The following DPP10 variants were observed in gnomAD, a reference collection of about 807,000 sequenced individuals.
The protein encoded by DPP10 is inactive dipeptidyl peptidase 10.
In DPP10, 33 loss-of-function variants were observed where a neutral mutation model predicts 120.9. The observed-to-expected ratio is 0.27, with a 90% CI of 0.21 to 0.37. The LOEUF (loss-of-function observed/expected upper bound fraction) is 0.37. Among genes scored for constraint, DPP10 ranks in the 10% least tolerant of loss-of-function variants. The probability of loss-of-function intolerance (pLI) is 1.00; values close to 1 mark genes in which losing one functional copy is unlikely to be tolerated. For synonymous variants in DPP10, 337 were observed against 326.1 expected (o/e 1.03, Z -0.36); for missense variants, 816 against 942.8 (o/e 0.87, Z 1.76).
At chr2:115,384,950 G>T (rs1193138827) in intron 3 of DPP10, among the ~76,000 whole-genome samples, 2 of 152,172 alleles carry the variant, frequency 1.3e-5, no homozygotes, top group African/African-American at 4.8e-5. Flanking sequence ...TCTTGTGGTA[G>T]TGAATAAGTC....
chr2:115,132,687 G>A (rs758850541), intron 1 of DPP10, among the ~76,000 whole-genome samples: 1 of 152,042 alleles, frequency 6.6e-6, no homozygotes, highest in South Asian at 2.1e-4. Flanking sequence ...TCCAGTTACG[G>A]CTGGAAATTC....
At chr2:115,553,059 A>G (rs1189485471) in intron 5 of DPP10, among the ~76,000 whole-genome samples, 1 of 152,094 alleles carries the variant, frequency 6.6e-6, no homozygotes, top group Non-Finnish European at 1.5e-5. Context: ...TAGCCTGAGA[A>G]ATGATTGGAT....
At chr2:115,121,076 C>A (rs1391385813) in intron 1 of DPP10, among the ~76,000 whole-genome samples, 1 of 152,158 alleles carries the variant, frequency 6.6e-6, no homozygotes, top group Admixed American at 6.5e-5. Context: ...TTTCTAAACC[C>A]TTGAGGTAGG....
At chr2:115,312,288 A>C (rs1453898943) in intron 2 of DPP10, among the ~76,000 whole-genome samples, 3 of 152,148 alleles carry the variant, frequency 2.0e-5, no homozygotes, top group Non-Finnish European at 4.4e-5. Flanking sequence ...GATTATGTAA[A>C]TTGATCAAGT....
intron 8 of DPP10, among the ~76,000 whole-genome samples, chr2:115,739,531 G>T (rs563874750): frequency 6.6e-6 from 1 of 152,190 alleles, no homozygotes; most frequent in Non-Finnish European, 1.5e-5. Flanking sequence ...TGACTTAGGT[G>T]CTTCATTGTT....
intron 5 of DPP10, among the ~76,000 whole-genome samples, chr2:115,534,095 A>G (rs2078644146): frequency 7.1e-6 from 1 of 139,946 alleles, no homozygotes; most frequent in East Asian, 2.1e-4. Flanking sequence ...ACTTTTATTT[A>G]TTTTTTTATT....
intron 1 of DPP10, among the ~76,000 whole-genome samples, chr2:114,640,606 C>T (rs530994069): frequency 8.6e-5 from 13 of 151,776 alleles, no homozygotes; most frequent in Non-Finnish European, 1.6e-4. Flanking sequence ...TTCCTGTTCC[C>T]TCCTGTCTCT....
intron 5 of DPP10, among the ~76,000 whole-genome samples, chr2:115,568,002 C>A (rs1024256199): frequency 6.6e-6 from 1 of 151,760 alleles, no homozygotes; most frequent in Non-Finnish European, 1.5e-5. Context: ...ATGGTGAAAC[C>A]CAGTCTGTAC....
At position 114,942,388 on chromosome 2, in the gene DPP10, TATAC is replaced by T. The variant is rs564377936; in HGVS notation, c.61-366849_61-366846del. ...ATATATATACACACACATATATATA[TATAC>T]ACACACACACATATATATATATATA... On this transcript the variant is annotated intron_variant, in intron 1 of 25. Transcript: ENST00000410059. Among the ~76,000 whole-genome samples, 53 of 35,970 alleles carry T rather than the reference TATAC, an allele frequency of 1.5e-3. 1 individual carries two copies. Among genetic ancestry groups the T allele is most frequent in the Middle Eastern group, 0.015 (1 of 66 alleles). The allele number at this position is 35,970 out of a possible 152,430, so 23.6% of individuals were successfully genotyped here.
intron 1 of DPP10, among the ~76,000 whole-genome samples, chr2:115,278,092 A>G (rs955920848): frequency 2.6e-5 from 4 of 152,170 alleles, no homozygotes; most frequent in Non-Finnish European, 4.4e-5. Flanking sequence ...AGGCATTTCT[A>G]CTTACGCTAT....
intron 21 of DPP10, among the ~76,000 whole-genome samples, chr2:115,834,220 T>C (rs944739177): frequency 1.7e-4 from 26 of 152,214 alleles, no homozygotes; most frequent in African/African-American, 6.0e-4. Context: ...GTACCAATTT[T>C]TAAATGATGC....
intron 5 of DPP10, among the ~76,000 whole-genome samples, chr2:115,593,041 T>C (rs2149182649): frequency 6.6e-6 from 1 of 152,274 alleles, no homozygotes; most frequent in Non-Finnish European, 1.5e-5. Context: ...GTGTTAAGGG[T>C]CGTTAGTTAG....
intron 1 of DPP10, among the ~76,000 whole-genome samples, chr2:115,089,862 T>G (rs145453783): frequency 6.6e-6 from 1 of 152,352 alleles, no homozygotes; most frequent in African/African-American, 2.4e-5. Context: ...TCTATTGAAA[T>G]CATCTCTTTC....
At chr2:115,183,567 G>A (rs2105163708) in intron 1 of DPP10, among the ~76,000 whole-genome samples, 1 of 152,300 alleles carries the variant, frequency 6.6e-6, no homozygotes, top group South Asian at 2.1e-4. Context: ...TGTAGTAGAA[G>A]TGCTTTGAAG....
intron 2 of DPP10, among the ~76,000 whole-genome samples, chr2:115,333,360 G>A (rs2062878676): frequency 6.6e-6 from 1 of 152,082 alleles, no homozygotes; most frequent in East Asian, 1.9e-4. Flanking sequence ...ACACTGATGT[G>A]TCTTGTCTCT....
chr2:114,678,785 C>T (rs557768371), intron 1 of DPP10, among the ~76,000 whole-genome samples: 2 of 151,986 alleles, frequency 1.3e-5, no homozygotes, highest in South Asian at 2.1e-4. Flanking sequence ...TTGAGCTAGA[C>T]AATATTAAAA....
At chr2:115,782,908 C>T (rs923753235) in intron 17 of DPP10, among the ~76,000 whole-genome samples, 10 of 152,004 alleles carry the variant, frequency 6.6e-5, no homozygotes, top group African/African-American at 2.2e-4. Flanking sequence ...TAAGAGATCA[C>T]CTACTTTTGT....
chr2:115,252,925 C>T (rs950017671), intron 1 of DPP10, among the ~76,000 whole-genome samples: 7 of 152,146 alleles, frequency 4.6e-5, no homozygotes, highest in African/African-American at 7.2e-5. Context: ...GCTTTCTTTT[C>T]GTTTTGACAG....
intron 1 of DPP10, among the ~76,000 whole-genome samples, chr2:115,009,962 A>G (rs974709299): frequency 3.3e-5 from 5 of 152,208 alleles, no homozygotes; most frequent in African/African-American, 9.6e-5. Flanking sequence ...TCCAAAACTT[A>G]CTAGTTCCTT....
Sources: gnomAD v4.1 joint callset for allele counts (sites outside exome capture counted in the v4.1 genomes callset) on GRCh38, gnomAD v4.1.1 for gene constraint, MANE v1.5 for transcripts, NCBI Gene and HGNC (gene_info 2026-07-23, HGNC 2026-07-21) for gene names.